Variants in DDAH1 observed in about 807,000 individuals in gnomAD.
The protein encoded by DDAH1 is dimethylarginine dimethylaminohydrolase 1, also known as N(G),N(G)-dimethylarginine dimethylaminohydrolase 1.
A neutral mutation model predicts 28.8 loss-of-function variants in DDAH1; 19 were observed. The ratio of observed to expected loss-of-function variants is 0.66; its 90% CI spans 0.46 to 0.97. The LOEUF (loss-of-function observed/expected upper bound fraction) is 0.97, where lower values mean the gene tolerates loss of function less well. DDAH1 is among the 50% of genes least tolerant of loss of function. The probability of loss-of-function intolerance (pLI) is 0.00; values close to 1 mark genes in which losing one functional copy is unlikely to be tolerated. For synonymous variants in DDAH1, 153 were observed against 154.4 expected (o/e 0.99, Z 0.07); for missense variants, 326 against 375.9 (o/e 0.87, Z 1.10).
At chr1:85,402,682 G>A (rs760522498) in intron 1 of DDAH1, among the ~76,000 whole-genome samples, 2 of 152,000 alleles carry the variant, frequency 1.3e-5, no homozygotes, top group African/African-American at 2.4e-5. Flanking sequence ...AGGCCGAGGC[G>A]GTGGATCACG....
intron 1 of DDAH1, among the ~76,000 whole-genome samples, chr1:85,530,414 GC>G (rs1194039200): frequency 1.3e-5 from 2 of 151,864 alleles, no homozygotes; most frequent in Non-Finnish European, 2.9e-5. Flanking sequence ...TCAAATATCA[GC>G]AATTTCATAC....
chr1:85,465,152 C>T lies in DDAH1; in HGVS notation c.-107G>A. ...GCCCGTCGGCTCCTCTTGGCAGCCG[C>T]TGAATGTGGTGCAGAAGGAGCCCAG... On this transcript the variant is annotated 5_prime_UTR_variant, in exon 1 of 6. Transcript: ENST00000284031. 1 of 1,158,052 alleles carries T rather than the reference C, an allele frequency of 8.6e-7. No individual in the cohort carries two copies. Among genetic ancestry groups the T allele is most frequent in the Non-Finnish European group, 1.1e-6 (1 of 941,404 alleles). The allele number at this position is 1,158,052 out of a possible 1,614,324, so 71.7% of individuals were successfully genotyped here. A position where few individuals can be genotyped will look rare whatever the true frequency, so the allele number is the denominator to read the frequency against.
intron 2 of DDAH1, among the ~76,000 whole-genome samples, chr1:85,354,090 C>G (rs1305371423): frequency 6.6e-6 from 1 of 152,150 alleles, no homozygotes; most frequent in Non-Finnish European, 1.5e-5. Flanking sequence ...AACTAAAATA[C>G]TGAAATGGAC....
At chr1:85,431,873 C>T (rs1357170009) in intron 1 of DDAH1, among the ~76,000 whole-genome samples, 3 of 152,184 alleles carry the variant, frequency 2.0e-5, no homozygotes, top group Non-Finnish European at 4.4e-5. Context: ...CATGAAGTTG[C>T]TTTGAAATTA....
chr1:85,340,798 A>G (rs1464228462), intron 4 of DDAH1, among the ~76,000 whole-genome samples: 1 of 152,016 alleles, frequency 6.6e-6, no homozygotes, highest in Non-Finnish European at 1.5e-5. Context: ...CAGCCCACAG[A>G]TAAGGAAACC....
At chr1:85,376,693 T>C (rs1486311052) in intron 1 of DDAH1, 1 of 133,096 alleles carries the variant, frequency 7.5e-6, no homozygotes, top group East Asian at 2.3e-4. Context: ...CTTATGATTA[T>C]GAAAATATTT....
chr1:85,552,592 T>A (rs1255186662), intron 1 of DDAH1, among the ~76,000 whole-genome samples: 1 of 152,196 alleles, frequency 6.6e-6, no homozygotes, highest in Non-Finnish European at 1.5e-5. Flanking sequence ...ATCATCTTGC[T>A]GGTTCCAGCT....
chr1:85,474,211 C>G (rs1362564795), intron 2 of DDAH1, among the ~76,000 whole-genome samples: 2 of 152,198 alleles, frequency 1.3e-5, no homozygotes, highest in Admixed American at 6.5e-5. Context: ...ACTCTGCTAC[C>G]ACTTAGTCCA....
chr1:85,431,895 A>G (rs1286588098), intron 1 of DDAH1, among the ~76,000 whole-genome samples: 2 of 152,230 alleles, frequency 1.3e-5, no homozygotes, highest in Non-Finnish European at 2.9e-5. Context: ...TACAAGAGGC[A>G]GGATCTCAGA....
Position 85,499,194 on chromosome 1 carries a change from A to C in DDAH1, c.-122-2913T>G, listed in dbSNP as rs1000855626. 3.3e-5 allele frequency among the ~76,000 whole-genome samples: 5 copies of C among 152,176 alleles called. No homozygotes were observed. The East Asian group carries it at 9.6e-4, about 29-fold the overall frequency. On this transcript the variant is annotated intron_variant, in intron 1 of 6. Coordinates refer to the DDAH1 transcript ENST00000426972. ...GCATAAGTATAAACAAGTTAGAAGT[A>C]AAAGGGATAAAAAAGAATATATATA...
intron 1 of DDAH1, among the ~76,000 whole-genome samples, chr1:85,544,303 C>T (rs566133551): frequency 5.3e-4 from 81 of 152,270 alleles, no homozygotes; most frequent in Non-Finnish European, 8.8e-4. Flanking sequence ...GGCACATGCA[C>T]GTGGCATTGC....
chr1:85,560,765 T>G (rs945045535), intron 1 of DDAH1, among the ~76,000 whole-genome samples: 3 of 152,068 alleles, frequency 2.0e-5, no homozygotes, highest in African/African-American at 7.2e-5. Context: ...CTGAACTGAT[T>G]ATTGCTTATA....
chr1:85,403,881 C>A (rs1214576717), intron 1 of DDAH1, among the ~76,000 whole-genome samples: 1 of 152,084 alleles, frequency 6.6e-6, no homozygotes, highest in East Asian at 1.9e-4. Flanking sequence ...ATGGGTAGAA[C>A]ATTTAAAATA....
chr1:85,571,156 T>C lies in DDAH1; in HGVS notation c.-123+6828A>G, dbSNP rs1659444532. On this transcript the variant is annotated intron_variant, in intron 1 of 6. Transcript: ENST00000426972. ...AGGCGTTTGGCCCATGGCGGTGCCCTGTAAATGTCACTTCCCTTCTCTTTC... is the reference window on the plus strand; with the variant it reads ...AGGCGTTTGGCCCATGGCGGTGCCCCGTAAATGTCACTTCCCTTCTCTTTC... Among the ~76,000 whole-genome samples the C allele has an allele frequency of 1.3e-5, 2 of 152,220 alleles. 1 individual carries two copies. The highest frequency in any genetic ancestry group is 4.8e-5 in the African/African-American group (2 of 41,448).
Position 85,477,115 on chromosome 1 carries a change from G to A in DDAH1, c.-7+19051C>T, listed in dbSNP as rs572300340. On this transcript the variant is annotated intron_variant, in intron 2 of 6. Transcript: ENST00000426972. ...GAGCTGAGAATTGAAAGATGAGTAG[G>A]TATTAATCAGGAGTGGAGAGAAATT... is the stretch of plus-strand genomic sequence containing the variant. Among the ~76,000 whole-genome samples, 118 of 152,234 alleles carry A rather than the reference G, an allele frequency of 7.8e-4. 4 individuals are homozygous for A. In the South Asian group the frequency reaches 0.022, roughly 28 times the overall value.
chr1:85,486,041 G>C (rs1656193018), intron 2 of DDAH1, among the ~76,000 whole-genome samples: 1 of 152,142 alleles, frequency 6.6e-6, no homozygotes, highest in Admixed American at 6.5e-5. Context: ...ACATGAGAAA[G>C]ACATCTAACT....
At chr1:85,453,935 G>A (rs753604101) in intron 1 of DDAH1, among the ~76,000 whole-genome samples, 2 of 152,140 alleles carry the variant, frequency 1.3e-5, no homozygotes, top group Non-Finnish European at 2.9e-5. Context: ...AACACATGCT[G>A]GGGTTAAAGT....
chr1:85,364,916 T>A (rs1649990163), intron 1 of DDAH1, among the ~76,000 whole-genome samples: 1 of 152,110 alleles, frequency 6.6e-6, no homozygotes, highest in African/African-American at 2.4e-5. Flanking sequence ...GTGTACTCAA[T>A]GATCCGGTCT....
chr1:85,339,247 T>C (rs233066), intron 4 of DDAH1, among the ~76,000 whole-genome samples: 45,482 of 151,924 alleles, frequency 0.3, 7,481 homozygotes, highest in South Asian at 0.4. Flanking sequence ...CTCCTAATTG[T>C]TTTTCATTGT....
Sources: gnomAD v4.1 joint callset for allele counts (sites outside exome capture counted in the v4.1 genomes callset) on GRCh38, gnomAD v4.1.1 for gene constraint, MANE v1.5 for transcripts, NCBI Gene and HGNC (gene_info 2026-07-23, HGNC 2026-07-21) for gene names.